The following DPYD variants were observed in gnomAD, a reference collection of about 807,000 sequenced individuals.
DPYD encodes dihydropyrimidine dehydrogenase, also known as dihydropyrimidine dehydrogenase [NADP(+)].
A neutral mutation model predicts 116.2 loss-of-function variants in DPYD; 109 were observed. The observed-to-expected ratio is 0.94, with a 90% CI of 0.80 to 1.10. The LOEUF is 1.10. Among genes scored for constraint, DPYD ranks in the 50% least tolerant of loss-of-function variants. The pLI, the probability that DPYD is intolerant of heterozygous loss-of-function variation, is 0.00. For synonymous variants in DPYD, 440 were observed against 432.0 expected, an observed-to-expected ratio of 1.02 and a Z score of -0.23; for missense variants, 1,302 against 1,254.5, an observed-to-expected ratio of 1.04 and a Z score of -0.57.
chr1:97,680,337 C>G (rs1557879096), intron 7 of DPYD, among the ~76,000 whole-genome samples: 1 of 152,098 alleles, frequency 6.6e-6, no homozygotes, highest in South Asian at 2.1e-4. Context: ...CTGTCATATC[C>G]CCATTTAATC....
chr1:97,508,317 G>A (rs1382523971), intron 13 of DPYD, among the ~76,000 whole-genome samples: 1 of 151,920 alleles, frequency 6.6e-6, no homozygotes, highest in Admixed American at 6.6e-5. Flanking sequence ...ATATCTGAGA[G>A]AAGAGCATTC....
intron 6 of DPYD, among the ~76,000 whole-genome samples, chr1:97,699,081 T>A (rs115842839): frequency 0.013 from 2,013 of 152,182 alleles, 21 homozygotes; most frequent in Middle Eastern, 0.024. Flanking sequence ...ATTTTTCATA[T>A]GATTGGTTCT....
chr1:97,352,304 A>C (rs1670188003), intron 16 of DPYD, among the ~76,000 whole-genome samples: 1 of 152,222 alleles, frequency 6.6e-6, no homozygotes, highest in South Asian at 2.1e-4. Flanking sequence ...ACCTAAACTG[A>C]TGGTTCCCAG....
Position 97,717,963 on chromosome 1 carries a change from C to A in DPYD, c.483+3547G>T, listed in dbSNP as rs1408885124. ...AAGTATCTTTTTCATATAATGACTT[C>A]TTTTCCTCTGGGTAGATACGCAGTA... is the stretch of plus-strand genomic sequence containing the variant. On this transcript the variant is annotated intron_variant, in intron 5 of 22. Coordinates refer to ENST00000370192, the MANE Select transcript of DPYD (RefSeq NM_000110.4). Among the ~76,000 whole-genome samples, 4 of 151,896 alleles carry A rather than the reference C, an allele frequency of 2.6e-5. No individual in the cohort carries two copies. The East Asian group carries it at 5.8e-4, about 22-fold the overall frequency.
At chr1:97,709,792 T>C (rs904785383) in intron 5 of DPYD, among the ~76,000 whole-genome samples, 2 of 151,878 alleles carry the variant, frequency 1.3e-5, no homozygotes, top group African/African-American at 4.8e-5. Context: ...AATTTGAGGG[T>C]AACTCTTGCT....
intron 16 of DPYD, among the ~76,000 whole-genome samples, chr1:97,352,206 GTGCCAATGTGGCGTGTCCACA>G (rs1463253325): frequency 2.0e-5 from 3 of 152,192 alleles, no homozygotes; most frequent in Non-Finnish European, 4.4e-5. Flanking sequence ...CAGACAACAA[GTGCCAATGTGGCGTGTCCACA>G]CAAAGAGGAA....
intron 14 of DPYD, among the ~76,000 whole-genome samples, chr1:97,427,645 C>T (rs1047054860): frequency 6.6e-6 from 1 of 151,756 alleles, no homozygotes; most frequent in African/African-American, 2.4e-5. Flanking sequence ...TGGTCTGTTC[C>T]CATAGTTAAC....
At chr1:97,639,848 T>G (rs550276365) in intron 8 of DPYD, among the ~76,000 whole-genome samples, 15 of 152,290 alleles carry the variant, frequency 9.8e-5, no homozygotes, top group African/African-American at 3.6e-4. Flanking sequence ...TCAAATTAGA[T>G]CCTCAAACGC....
chr1:97,089,258 A>C (rs1043607546), intron 21 of DPYD, among the ~76,000 whole-genome samples: 6 of 152,334 alleles, frequency 3.9e-5, no homozygotes, highest in Middle Eastern at 3.4e-3. Context: ...ATTCATTCTC[A>C]TATATATCAA....
chr1:97,693,188 G>T (rs914845799), intron 6 of DPYD, among the ~76,000 whole-genome samples: 3 of 150,940 alleles, frequency 2.0e-5, no homozygotes, highest in Admixed American at 6.6e-5. Context: ...CTACTTGGAA[G>T]GCTGAGGCAG....
chr1:97,883,842 A>AT lies in DPYD; in HGVS notation c.40-469_40-468insA, dbSNP rs759153204. ...AGAAAACTTAGGAATCACAAAAAAA[A>AT]AAAGATACATGTAAATCAGAAGAAT... is the stretch of plus-strand genomic sequence containing the variant. On this transcript the variant is annotated intron_variant, in intron 1 of 22. Transcript: ENST00000370192. 1.0e-5 allele frequency: 5 copies of AT among 476,808 alleles called. No individual in the cohort carries two copies. In the Admixed American group the frequency reaches 1.2e-4, roughly 11 times the overall value. 29.5% of individuals were successfully genotyped at this position (476,808 alleles called of 1,614,324 possible). A position where few individuals can be genotyped will look rare whatever the true frequency, so the allele number is the denominator to read the frequency against.
In DPYD at chr1:97,280,586, T is replaced by C. The variant is rs370602782; in HGVS notation, c.2299+24673A>G. 3.3e-5 allele frequency among the ~76,000 whole-genome samples: 5 copies of C among 152,182 alleles called. No homozygotes were observed. The East Asian group carries it at 9.6e-4, about 29-fold the overall frequency. On this transcript the variant is annotated intron_variant, in intron 18 of 22. Coordinates refer to ENST00000370192, the MANE Select transcript of DPYD (RefSeq NM_000110.4). ...AAACAGAATGAAATCCTTTCATTTG[T>C]GGCAACATGGATGAACCTGCAGGGT...
chr1:97,418,302 GA>G (rs1570701610), intron 14 of DPYD, among the ~76,000 whole-genome samples: 2 of 134,984 alleles, frequency 1.5e-5, no homozygotes, highest in East Asian at 4.8e-4. Flanking sequence ...ATAGATATAA[GA>G]TGATTTTTTT....
At chr1:97,285,881 A>G (rs1468995821) in intron 18 of DPYD, among the ~76,000 whole-genome samples, 1 of 151,932 alleles carries the variant, frequency 6.6e-6, no homozygotes, top group Admixed American at 6.6e-5. Context: ...CCAATCACAA[A>G]CCTAAATTCC....
intron 8 of DPYD, among the ~76,000 whole-genome samples, chr1:97,640,512 T>C (rs763525815): frequency 6.6e-6 from 1 of 152,128 alleles, no homozygotes; most frequent in Admixed American, 6.5e-5. Flanking sequence ...TTTCACCATG[T>C]TGGTCAGGCT....
At chr1:97,231,972 G>A (rs1488512995) in intron 19 of DPYD, among the ~76,000 whole-genome samples, 1 of 152,150 alleles carries the variant, frequency 6.6e-6, no homozygotes, top group Non-Finnish European at 1.5e-5. Context: ...CCTGGATACT[G>A]TTATCTTCCA....
At chr1:97,835,705 A>C (rs1431795627) in intron 2 of DPYD, among the ~76,000 whole-genome samples, 1 of 152,160 alleles carries the variant, frequency 6.6e-6, no homozygotes, top group Admixed American at 6.5e-5. Flanking sequence ...TATGGTTTAC[A>C]TGATAATCAA....
At chr1:97,306,561 A>T (rs1285307149) in intron 16 of DPYD, among the ~76,000 whole-genome samples, 1 of 152,008 alleles carries the variant, frequency 6.6e-6, no homozygotes, top group East Asian at 1.9e-4. Context: ...TTCAAAGAAC[A>T]AAATGGAAGA....
At chr1:97,626,109 G>C (rs956620819) in intron 8 of DPYD, among the ~76,000 whole-genome samples, 3 of 151,944 alleles carry the variant, frequency 2.0e-5, no homozygotes, top group African/African-American at 7.2e-5. Context: ...CACTCTATCC[G>C]TGATGCCTGA....
Sources: gnomAD v4.1 joint callset for allele counts (sites outside exome capture counted in the v4.1 genomes callset) on GRCh38, gnomAD v4.1.1 for gene constraint, MANE v1.5 for transcripts, NCBI Gene and HGNC (gene_info 2026-07-23, HGNC 2026-07-21) for gene names.